The following AKAP6 variants were observed in gnomAD, a reference collection of about 807,000 sequenced individuals.
AKAP6 encodes A-kinase anchor protein 6.
A neutral mutation model predicts 188.5 loss-of-function variants in AKAP6; 58 were observed. The observed-to-expected ratio is 0.31, with a 90% CI of 0.25 to 0.38. The LOEUF (loss-of-function observed/expected upper bound fraction) is 0.38, where lower values mean the gene tolerates loss of function less well. Ranked by LOEUF, AKAP6 falls within the 10% of genes least tolerant of loss-of-function variation. AKAP6 has a pLI of 1.00. For synonymous variants in AKAP6, 989 were observed against 998.6 expected, an observed-to-expected ratio of 0.99 and a Z score of 0.18; for missense variants, 2,710 against 2,740.0, an observed-to-expected ratio of 0.99 and a Z score of 0.24.
At chr14:32,409,841 C>T (rs1889424279) in intron 1 of AKAP6, among the ~76,000 whole-genome samples, 1 of 152,170 alleles carries the variant, frequency 6.6e-6, no homozygotes, top group Admixed American at 6.5e-5. Flanking sequence ...ACTTGGTTTA[C>T]TCACTTCTCT....
intron 1 of AKAP6, among the ~76,000 whole-genome samples, chr14:32,365,636 C>G (rs985334568): frequency 1.3e-5 from 2 of 152,112 alleles, no homozygotes; most frequent in Non-Finnish European, 2.9e-5. Context: ...CCACTTGTAC[C>G]GAAGTCGACT....
At chr14:32,516,721 T>A (rs143233577) in intron 2 of AKAP6, among the ~76,000 whole-genome samples, 2 of 152,204 alleles carry the variant, frequency 1.3e-5, no homozygotes, top group Admixed American at 1.3e-4. Context: ...TTCCTGAATT[T>A]GAATTGGATA....
intron 2 of AKAP6, among the ~76,000 whole-genome samples, chr14:32,470,195 G>A (rs1878694931): frequency 6.6e-6 from 1 of 152,074 alleles, no homozygotes; most frequent in Non-Finnish European, 1.5e-5. Context: ...TGTGGTCTGT[G>A]GACTGGACGC....
chr14:32,774,671 C>A (rs1163823517), intron 12 of AKAP6, among the ~76,000 whole-genome samples: 1 of 152,136 alleles, frequency 6.6e-6, no homozygotes, highest in African/African-American at 2.4e-5. Context: ...AGATTGCATA[C>A]TCCAAATGAC....
At chr14:32,769,483 A>G (rs1284922804) in intron 11 of AKAP6, among the ~76,000 whole-genome samples, 1 of 151,758 alleles carries the variant, frequency 6.6e-6, no homozygotes, top group Non-Finnish European at 1.5e-5. Flanking sequence ...CATAGAAGCC[A>G]TGCTCAACTG....
intron 9 of AKAP6, among the ~76,000 whole-genome samples, chr14:32,708,340 TGGGCTGGCTCTTTAG>T (rs1890899016): frequency 6.6e-6 from 1 of 151,696 alleles, no homozygotes; most frequent in African/African-American, 2.4e-5. Context: ...GACTTAGACT[TGGGCTGGCTCTTTAG>T]TCCAAGTTTA....
intron 9 of AKAP6, among the ~76,000 whole-genome samples, chr14:32,702,844 CTG>C (rs1224501017): frequency 6.6e-6 from 1 of 152,172 alleles, no homozygotes; most frequent in Admixed American, 6.5e-5. Flanking sequence ...CAGGAAATCA[CTG>C]TCTTTGTCAC....
In AKAP6 at chr14:32,824,289, G is replaced by A. The variant is rs1334253672; in HGVS notation, c.6476G>A (p.Cys2159Tyr). The A allele has an allele frequency of 6.2e-7, 1 of 1,613,856 alleles. No homozygotes were observed. Among genetic ancestry groups the A allele is most frequent in the Non-Finnish European group, 8.5e-7 (1 of 1,179,926 alleles). ...KEDIECFFEACVEGDSDGEEP... is the reference protein window; with the variant it reads ...KEDIECFFEAYVEGDSDGEEP... ...GATATTGAATGCTTTTTTGAGGCCT[G>A]TGTTGAGGGTGACTCTGATGGAGAG... The change falls in exon 13 of 14, where the codon TGT (cysteine) becomes TAT (tyrosine). Residue 2159 changes from cysteine (C) to tyrosine (Y), a missense_variant. Cys to Tyr is a radical substitution (Grantham distance 194). Around this residue, in one of 2 missense-constraint regions of AKAP6, gnomAD observed 2,473 missense variants for 2,426.1 expected, o/e 1.02. Coordinates refer to ENST00000280979, the MANE Select transcript of AKAP6 (RefSeq NM_004274.5).
At chr14:32,428,566 G>T (rs1251785516) in intron 1 of AKAP6, among the ~76,000 whole-genome samples, 4 of 152,136 alleles carry the variant, frequency 2.6e-5, no homozygotes, top group Non-Finnish European at 4.4e-5. Flanking sequence ...ACCATTTACA[G>T]TGAGTACAAT....
At chr14:32,552,965 C>G (rs989528629) in intron 4 of AKAP6, among the ~76,000 whole-genome samples, 13 of 152,092 alleles carry the variant, frequency 8.5e-5, no homozygotes, top group African/African-American at 2.9e-4. Flanking sequence ...GCAGAGTCCT[C>G]CACTCTGTCT....
chr14:32,409,648 T>C (rs888211624), intron 1 of AKAP6, among the ~76,000 whole-genome samples: 1 of 152,214 alleles, frequency 6.6e-6, no homozygotes, highest in Non-Finnish European at 1.5e-5. Context: ...TTTTTCCTTA[T>C]ATTCAAAATG....
intron 1 of AKAP6, among the ~76,000 whole-genome samples, chr14:32,432,557 A>G (rs904741460): frequency 1.4e-4 from 22 of 152,178 alleles, no homozygotes; most frequent in Admixed American, 5.9e-4. Flanking sequence ...AGTTAATTAG[A>G]TCTATTCAGT....
At chr14:32,432,795 T>G (rs1890262997) in intron 1 of AKAP6, among the ~76,000 whole-genome samples, 1 of 152,186 alleles carries the variant, frequency 6.6e-6, no homozygotes, top group Non-Finnish European at 1.5e-5. Context: ...AATCCTGGCT[T>G]GAACAAGATA....
At chr14:32,459,963 T>C (rs955063234) in intron 2 of AKAP6, among the ~76,000 whole-genome samples, 2 of 152,140 alleles carry the variant, frequency 1.3e-5, no homozygotes, top group Non-Finnish European at 2.9e-5. Context: ...TAAGGACTGC[T>C]GGCAGTGATT....
chr14:32,753,833 T>C (rs73254887), intron 11 of AKAP6, among the ~76,000 whole-genome samples: 1,668 of 152,208 alleles, frequency 0.011, 32 homozygotes, highest in African/African-American at 0.038. Flanking sequence ...TGATCATGAA[T>C]GTGTGGATTT....
At chr14:32,678,552 A>C (rs1252250900) in intron 8 of AKAP6, 93 bp downstream of exon 8, 2 of 1,450,680 alleles carry the variant, frequency 1.4e-6, no homozygotes, top group East Asian at 2.3e-5. Flanking sequence ...TTTCCTCTTT[A>C]GCAAACCGAC....
At chr14:32,571,960 G>A (rs1052958218) in intron 4 of AKAP6, among the ~76,000 whole-genome samples, 40 of 152,132 alleles carry the variant, frequency 2.6e-4, no homozygotes, top group African/African-American at 8.7e-4. Context: ...TTCTTGTTAA[G>A]CATTTAGTCT....
rs543393849 is a variant in AKAP6, at chr14:32,593,591, CT to C, written c.2470-5815del. ...TTAGATAGCCTTTGGGATTCTTCCC[CT>C]TTTGAAAATGCTCTGATTTAAAATA... On this transcript the variant is annotated intron_variant, in intron 5 of 13. Coordinates refer to ENST00000280979, the MANE Select transcript of AKAP6 (RefSeq NM_004274.5). Among the ~76,000 whole-genome samples the C allele has an allele frequency of 1.8e-3, 273 of 152,246 alleles. 2 individuals carry two copies. Among genetic ancestry groups the C allele is most frequent in the Admixed American group, 9.8e-3 (150 of 15,282 alleles).
intron 1 of AKAP6, among the ~76,000 whole-genome samples, chr14:32,399,936 G>T (rs1031582115): frequency 1.3e-5 from 2 of 152,100 alleles, no homozygotes; most frequent in Non-Finnish European, 1.5e-5. Context: ...GTGAGTTAAG[G>T]TTGCAAGCTT....
Sources: allele counts gnomAD v4.1 joint callset (sites outside exome capture counted in the v4.1 genomes callset), GRCh38; gene constraint gnomAD v4.1.1; regional missense constraint gnomAD v4.1.1; transcripts MANE v1.5; gene names NCBI Gene and HGNC (gene_info 2026-07-23, HGNC 2026-07-21).